Variants in CADPS observed in about 807,000 individuals in gnomAD.
The protein encoded by CADPS is calcium-dependent secretion activator 1.
A neutral mutation model predicts 167.3 loss-of-function variants in CADPS; 57 were observed. The observed-to-expected ratio is 0.34, with a 90% CI of 0.28 to 0.42. CADPS has a LOEUF of 0.42. CADPS is among the 20% of genes least tolerant of loss of function. CADPS has a pLI of 1.00. For missense variants in CADPS, 1,414 were observed against 1,738.1 expected, an observed-to-expected ratio of 0.81 and a Z score of 3.32; for synonymous variants, 676 against 635.3, an observed-to-expected ratio of 1.06 and a Z score of -0.96.
intron 6 of CADPS, among the ~76,000 whole-genome samples, chr3:62,606,626 C>A (rs1247393543): frequency 6.6e-6 from 1 of 152,160 alleles, no homozygotes. Flanking sequence ...AGAAAATAGA[C>A]CAAGACAGTC....
intron 1 of CADPS, among the ~76,000 whole-genome samples, chr3:62,797,149 A>T (rs771811158): frequency 3.5e-4 from 54 of 152,132 alleles, no homozygotes; most frequent in Non-Finnish European, 8.8e-5. Context: ...AGTTTGAGTT[A>T]CTGTATGGTT....
intron 1 of CADPS, among the ~76,000 whole-genome samples, chr3:62,863,791 A>T (rs2081229608): frequency 6.6e-6 from 1 of 152,238 alleles, no homozygotes; most frequent in Non-Finnish European, 1.5e-5. Flanking sequence ...GGTGAGGATG[A>T]ACAATAAAAG....
At chr3:62,486,365 A>G (rs959841304) in intron 21 of CADPS, among the ~76,000 whole-genome samples, 2 of 150,836 alleles carry the variant, frequency 1.3e-5, no homozygotes, top group Non-Finnish European at 2.9e-5. Flanking sequence ...GAATCGCTTG[A>G]ACCCAGGAGG....
At chr3:62,663,627 A>G (rs989946203) in intron 3 of CADPS, among the ~76,000 whole-genome samples, 5 of 151,634 alleles carry the variant, frequency 3.3e-5, no homozygotes, top group African/African-American at 1.2e-4. Context: ...AAAAAAAAAA[A>G]AAAAGATTCT....
intron 6 of CADPS, among the ~76,000 whole-genome samples, chr3:62,623,690 C>A (rs1273980263): frequency 6.6e-6 from 1 of 152,078 alleles, no homozygotes; most frequent in African/African-American, 2.4e-5. Flanking sequence ...TCTGAGCTAA[C>A]CCTTAGGTAA....
At chr3:62,534,611 C>T (rs948234922) in intron 12 of CADPS, among the ~76,000 whole-genome samples, 7 of 152,018 alleles carry the variant, frequency 4.6e-5, no homozygotes, top group Non-Finnish European at 1.0e-4. Context: ...TTTGTAGATG[C>T]CAAAATAGCT....
At chr3:62,477,789 C>T (rs530433873) in intron 23 of CADPS, among the ~76,000 whole-genome samples, 32 of 152,250 alleles carry the variant, frequency 2.1e-4, no homozygotes, top group African/African-American at 7.2e-4. Flanking sequence ...CTTTTATATA[C>T]GGAGTGAATG....
intron 26 of CADPS, among the ~76,000 whole-genome samples, chr3:62,461,871 G>A (rs911418143): frequency 6.6e-6 from 1 of 152,166 alleles, no homozygotes; most frequent in Non-Finnish European, 1.5e-5. Context: ...CAAAAGGGCC[G>A]AGAACACACC....
chr3:62,683,885 A>G (rs539743394), intron 3 of CADPS, among the ~76,000 whole-genome samples: 2 of 152,188 alleles, frequency 1.3e-5, no homozygotes, highest in Admixed American at 6.5e-5. Flanking sequence ...TGAAGACTAC[A>G]GAAGCGAAGA....
Position 62,533,836 on chromosome 3 carries a change from C to T in CADPS, c.2104-778G>A, listed in dbSNP as rs72891939. On this transcript the variant is annotated intron_variant, in intron 12 of 29. Coordinates refer to ENST00000383710, the MANE Select transcript of CADPS (RefSeq NM_003716.4). ...TCAAGTTGTGAATCAGATGTAATTC[C>T]ATTAAACTGAGAGGAACTTCTTGTG... 7.4e-3 allele frequency among the ~76,000 whole-genome samples: 1,126 copies of T among 152,272 alleles called. 16 individuals carry two copies. Among genetic ancestry groups the T allele is most frequent in the African/African-American group, 0.024 (1,015 of 41,550 alleles).
At position 62,874,196 on chromosome 3, in the gene CADPS, C is replaced by G. The variant is rs2083209186; in HGVS notation, c.441+393G>C. Among the ~76,000 whole-genome samples the G allele has an allele frequency of 6.6e-6, 1 of 152,074 alleles. No homozygotes were observed. Among genetic ancestry groups the G allele is most frequent in the South Asian group, 2.1e-4 (1 of 4,830 alleles). ...AGGGCGGGCCCGGAGTTGAGCGCAG[C>G]CGCCCGCCGCTGGAGAGCGCTGGGA... On this transcript the variant is annotated intron_variant, in intron 1 of 29. Coordinates refer to ENST00000383710, the MANE Select transcript of CADPS (RefSeq NM_003716.4). The surrounding 1 kb of genome is among the most constrained non-coding windows in gnomAD (Gnocchi z 7.1).
rs763431496 is a variant in CADPS, at chr3:62,533,083, T to C, written c.2104-25A>G. On this transcript the variant is annotated intron_variant, in intron 12 of 29. Transcript: ENST00000383710. ...CCTATATAAAGAATAAAGGAGAGAC[T>C]TTCTTTTAAATACAGGTTGTTTTCT... 5 of 1,595,318 alleles carry C rather than the reference T, an allele frequency of 3.1e-6. No individual in the cohort carries two copies. The Admixed American group carries it at 5.1e-5, about 16-fold the overall frequency.
intron 1 of CADPS, among the ~76,000 whole-genome samples, chr3:62,787,824 A>G (rs907809633): frequency 6.6e-6 from 1 of 152,188 alleles, no homozygotes. Context: ...AAATGAGATA[A>G]TATGTGATGT....
In CADPS at chr3:62,399,450, T is replaced by C. The variant is rs1235187285; in HGVS notation, c.4018A>G (p.Ile1340Val). The C allele has an allele frequency of 1.2e-6, 2 of 1,614,208 alleles. No individual in the cohort carries two copies. The highest frequency in any genetic ancestry group is 2.2e-5 in the South Asian group (2 of 91,082). The stretch of plus-strand genomic sequence containing the variant: ...TCCTCATCGCTGTCCTTCATGCTGA[T>C]GCCCTGCAGTCCCCCACCTTCACTC... ...SVSEGGGLQG[I>V]SMKDSDEEDE... The change falls in exon 30 of 30, where the codon ATC (isoleucine) becomes GTC (valine). Residue 1340 changes from isoleucine (I) to valine (V), a missense_variant. By Grantham distance (29) the Ile-to-Val change is conservative. Around this residue, in one of 6 missense-constraint regions of CADPS, gnomAD observed 185 missense variants for 251.5 expected, o/e 0.74. Coordinates refer to ENST00000383710, the MANE Select transcript of CADPS (RefSeq NM_003716.4). The surrounding 1 kb of genome is among the most constrained non-coding windows in gnomAD (Gnocchi z 5.6).
At chr3:62,613,659 A>T (rs1578826205) in intron 6 of CADPS, among the ~76,000 whole-genome samples, 1 of 152,220 alleles carries the variant, frequency 6.6e-6, no homozygotes, top group Non-Finnish European at 1.5e-5. Flanking sequence ...TGTACCAAAG[A>T]ATTTCTTATT....
chr3:62,819,450 C>T (rs2094795207), intron 1 of CADPS, among the ~76,000 whole-genome samples: 1 of 131,000 alleles, frequency 7.6e-6, no homozygotes, highest in Non-Finnish European at 1.6e-5. Context: ...GTGTGTATTA[C>T]AGTAAAGGGT....
At chr3:62,637,454 G>A (rs1004561814) in intron 6 of CADPS, among the ~76,000 whole-genome samples, 7 of 152,168 alleles carry the variant, frequency 4.6e-5, no homozygotes, top group African/African-American at 1.7e-4. Context: ...AGGGCAGAGA[G>A]CCTCTTTTTA....
At chr3:62,439,763 C>T in intron 27 of CADPS, 1 of 152,140 alleles carries the variant, frequency 6.6e-6, no homozygotes, top group Non-Finnish European at 1.5e-5. Context: ...GCGCATGCAA[C>T]CATCTTAGAG....
In CADPS at chr3:62,492,226, A is replaced by T. The variant is rs1037446240; in HGVS notation, c.2884+64T>A. Reference sequence around the variant, plus strand: ...CCTGTAGTCTGCTTGGGATAAAGACATCTTAGTGATCTGTTTATCTGCACA... The same window carrying T: ...CCTGTAGTCTGCTTGGGATAAAGACTTCTTAGTGATCTGTTTATCTGCACA... On this transcript the variant is annotated intron_variant, in intron 20 of 29. Transcript: ENST00000383710. The T allele has an allele frequency of 2.1e-6, 3 of 1,398,956 alleles. No homozygotes were observed. The African/African-American group carries it at 4.3e-5, about 20-fold the overall frequency. 86.7% of individuals were successfully genotyped at this position (1,398,956 alleles called of 1,614,324 possible).
Sources: gnomAD v4.1 joint callset for allele counts (sites outside exome capture counted in the v4.1 genomes callset) on GRCh38, gnomAD v4.1.1 for gene constraint, gnomAD v4.1.1 regional missense constraint, Gnocchi (gnomAD v3.1) non-coding constraint, MANE v1.5 for transcripts, NCBI Gene and HGNC (gene_info 2026-07-23, HGNC 2026-07-21) for gene names.